FGF14: variants seen among roughly 807,000 people sequenced by gnomAD.
The protein encoded by FGF14 is fibroblast growth factor homologous factor 4.
A neutral mutation model predicts 25.5 loss-of-function variants in FGF14; 5 were observed. That is an observed-to-expected ratio of 0.20 (90% confidence interval 0.10 to 0.41). The LOEUF is 0.41. Among genes scored for constraint, FGF14 ranks in the 10% least tolerant of loss-of-function variants. FGF14 has a pLI of 1.00. For synonymous variants in FGF14, 138 were observed against 118.3 expected, an observed-to-expected ratio of 1.17 and a Z score of -1.08; for missense variants, 222 against 320.1, an observed-to-expected ratio of 0.69 and a Z score of 2.34.
intron 1 of FGF14, among the ~76,000 whole-genome samples, chr13:102,282,637 T>C (rs768550567): frequency 1.3e-5 from 2 of 152,158 alleles, no homozygotes; most frequent in Non-Finnish European, 2.9e-5. Context: ...TTCCTAAAGC[T>C]GCAGTTCTCA....
chr13:102,029,706 A>G (rs2041115074), intron 1 of FGF14, among the ~76,000 whole-genome samples: 1 of 152,136 alleles, frequency 6.6e-6, no homozygotes, highest in Non-Finnish European at 1.5e-5. Flanking sequence ...TTATGAAACA[A>G]AACTGTTTTT....
At chr13:102,397,297 T>C (rs2058607614) in intron 1 of FGF14, among the ~76,000 whole-genome samples, 1 of 152,094 alleles carries the variant, frequency 6.6e-6, no homozygotes, top group Non-Finnish European at 1.5e-5. Context: ...AACAGCTTAG[T>C]GAAAGGCAAA....
chr13:102,259,667 C>T (rs376053784), intron 1 of FGF14, among the ~76,000 whole-genome samples: 8 of 152,316 alleles, frequency 5.3e-5, no homozygotes, highest in African/African-American at 1.7e-4. Context: ...TCCCCAGAAG[C>T]CAGCATAGCA....
chr13:102,042,716 T>C (rs1042622467), intron 1 of FGF14, among the ~76,000 whole-genome samples: 1 of 152,200 alleles, frequency 6.6e-6, no homozygotes, highest in African/African-American at 2.4e-5. Flanking sequence ...ATATTAGTGA[T>C]GTGCCAACAC....
chr13:101,836,570 T>C (rs1412576941), intron 3 of FGF14, among the ~76,000 whole-genome samples: 1 of 152,088 alleles, frequency 6.6e-6, no homozygotes, highest in Non-Finnish European at 1.5e-5. Flanking sequence ...TATAAATTCA[T>C]CCTCGTATAT....
intron 1 of FGF14, among the ~76,000 whole-genome samples, chr13:102,212,164 A>G (rs1211479354): frequency 6.6e-6 from 1 of 152,176 alleles, no homozygotes; most frequent in Non-Finnish European, 1.5e-5. Context: ...CTTATTCCAT[A>G]CTAGTTCCCA....
chr13:102,237,547 A>G (rs1409033342), intron 1 of FGF14, among the ~76,000 whole-genome samples: 1 of 150,710 alleles, frequency 6.6e-6, no homozygotes, highest in Non-Finnish European at 1.5e-5. Context: ...GAGTATTTGC[A>G]CCAGATTTCT....
chr13:102,363,526 T>C (rs1031709375), intron 1 of FGF14, among the ~76,000 whole-genome samples: 8 of 152,324 alleles, frequency 5.3e-5, no homozygotes, highest in African/African-American at 1.9e-4. Flanking sequence ...CATGCTCAAT[T>C]AGAACACTAT....
intron 3 of FGF14, among the ~76,000 whole-genome samples, chr13:101,773,781 C>G (rs1460176081): frequency 2.0e-5 from 3 of 150,552 alleles, no homozygotes; most frequent in Non-Finnish European, 4.4e-5. Context: ...GGTTTAGAGA[C>G]AGAAGACTTG....
At chr13:101,989,752 A>ATTTTCTCCACAATAACAT (rs2038793591) in intron 1 of FGF14, among the ~76,000 whole-genome samples, 1 of 152,042 alleles carries the variant, frequency 6.6e-6, no homozygotes, top group Non-Finnish European at 1.5e-5. Flanking sequence ...AAGCCTTCTG[A>ATTTTCTCCACAATAACAT]TTTTCTCCAC....
At chr13:101,761,140 T>C (rs929865172) in intron 3 of FGF14, among the ~76,000 whole-genome samples, 2 of 152,214 alleles carry the variant, frequency 1.3e-5, no homozygotes, top group Non-Finnish European at 2.9e-5. Flanking sequence ...ACATTTGTCA[T>C]AGTAAAACAA....
Position 102,400,180 on chromosome 13 carries a change from C to T in FGF14, c.208+1291G>A, listed in dbSNP as rs1035179691. Among the ~76,000 whole-genome samples the T allele has an allele frequency of 6.6e-6, 1 of 152,088 alleles. No individual in the cohort carries two copies. Among genetic ancestry groups the T allele is most frequent in the Non-Finnish European group, 1.5e-5 (1 of 67,994 alleles). On this transcript the variant is annotated intron_variant, in intron 1 of 4. Transcript: ENST00000376131. The surrounding 1 kb of genome is among the most constrained non-coding windows in gnomAD (Gnocchi z 4.3). ...GCTGGAGGGCAGCAGCCACTTGCTG[C>T]CCCAGTCGCTGGGGCTCTGGGTGCC...
intron 1 of FGF14, among the ~76,000 whole-genome samples, chr13:102,277,442 C>T (rs1259151698): frequency 1.3e-5 from 2 of 152,242 alleles, no homozygotes; most frequent in Non-Finnish European, 2.9e-5. Context: ...GCTGGCCCCA[C>T]CGCGTGCCCA....
At chr13:101,989,839 C>T (rs1462883656) in intron 1 of FGF14, among the ~76,000 whole-genome samples, 1 of 152,094 alleles carries the variant, frequency 6.6e-6, no homozygotes, top group Non-Finnish European at 1.5e-5. Flanking sequence ...CTTCACTTAA[C>T]TTATTGTTTT....
intron 3 of FGF14, among the ~76,000 whole-genome samples, chr13:101,736,797 T>C (rs1049042805): frequency 1.3e-5 from 2 of 151,874 alleles, no homozygotes; most frequent in African/African-American, 2.4e-5. Context: ...TGAGAGTTTG[T>C]ACAGTTAGTA....
chr13:102,225,134 T>C (rs1441621470), intron 1 of FGF14, among the ~76,000 whole-genome samples: 1 of 151,986 alleles, frequency 6.6e-6, no homozygotes, highest in Non-Finnish European at 1.5e-5. Flanking sequence ...CTCCTGTGAG[T>C]TTTGTCCCCC....
intron 1 of FGF14, among the ~76,000 whole-genome samples, chr13:102,348,323 G>T (rs923513610): frequency 4.6e-5 from 7 of 152,176 alleles, no homozygotes; most frequent in Non-Finnish European, 1.0e-4. Context: ...CAGCAGCCTT[G>T]GGAGATGTTA....
At chr13:102,006,175 G>A (rs1332487968) in intron 1 of FGF14, among the ~76,000 whole-genome samples, 4 of 152,182 alleles carry the variant, frequency 2.6e-5, no homozygotes, top group Non-Finnish European at 4.4e-5. Context: ...TTAACAAGGG[G>A]AGAACCTGGG....
intron 1 of FGF14, among the ~76,000 whole-genome samples, chr13:102,355,245 T>C (rs2057389581): frequency 1.3e-5 from 2 of 152,204 alleles, no homozygotes; most frequent in African/African-American, 4.8e-5. Context: ...ACGTAGATCC[T>C]GACAAAAAAC....
Sources: gnomAD v4.1 joint callset for allele counts (sites outside exome capture counted in the v4.1 genomes callset) on GRCh38, gnomAD v4.1.1 for gene constraint, Gnocchi (gnomAD v3.1) non-coding constraint, MANE v1.5 for transcripts, NCBI Gene and HGNC (gene_info 2026-07-23, HGNC 2026-07-21) for gene names.